Variants in BRINP3 observed in about 807,000 individuals in gnomAD.
BRINP3 encodes BMP/retinoic acid-inducible neural-specific protein 3.
BRINP3 carries 19 observed loss-of-function variants against 71.0 expected under a neutral mutation model. The ratio of observed to expected loss-of-function variants is 0.27; its 90% CI spans 0.19 to 0.39. The LOEUF (loss-of-function observed/expected upper bound fraction) is 0.39, where lower values mean the gene tolerates loss of function less well. BRINP3 is among the 10% of genes least tolerant of loss of function. The pLI is 1.00. For synonymous variants in BRINP3, 380 were observed against 337.7 expected (o/e 1.13, Z -1.37); for missense variants, 959 against 940.8 (o/e 1.02, Z -0.25).
intron 6 of BRINP3, among the ~76,000 whole-genome samples, chr1:190,176,259 G>A (rs1652497935): frequency 1.3e-5 from 2 of 152,122 alleles, no homozygotes; most frequent in Admixed American, 6.5e-5. Context: ...TGTATCAACT[G>A]CAAAGGCCAA....
chr1:190,215,094 G>GA lies in BRINP3; in HGVS notation c.961+10987dup, dbSNP rs5779515. The stretch of plus-strand genomic sequence containing the variant: ...TAATAGCAATCCATGTAGCTATTAT[G>GA]AAAAAAAAAAAAAAAGAAATGAAAT... On this transcript the variant is annotated intron_variant, in intron 6 of 7. Transcript: ENST00000367462. 5.6e-3 allele frequency among the ~76,000 whole-genome samples: 739 copies of GA among 131,744 alleles called. 5 individuals carry two copies. The highest frequency in any genetic ancestry group is 0.018 in the East Asian group (82 of 4,626). 86.4% of individuals were successfully genotyped at this position (131,744 alleles called of 152,430 possible). A position where few individuals can be genotyped will look rare whatever the true frequency, so the allele number is the denominator to read the frequency against.
At chr1:190,251,539 C>T (rs1278655451) in intron 4 of BRINP3, among the ~76,000 whole-genome samples, 1 of 151,870 alleles carries the variant, frequency 6.6e-6, no homozygotes, top group Non-Finnish European at 1.5e-5. Context: ...TTTCTGATAT[C>T]ACATGCCATG....
chr1:190,350,977 C>T (rs566166389), intron 2 of BRINP3, among the ~76,000 whole-genome samples: 2 of 152,090 alleles, frequency 1.3e-5, no homozygotes, highest in Admixed American at 6.5e-5. Flanking sequence ...CATGTGCCAT[C>T]ATGCCAGGCT....
intron 2 of BRINP3, among the ~76,000 whole-genome samples, chr1:190,388,360 T>C (rs1301577218): frequency 1.3e-5 from 2 of 151,804 alleles, no homozygotes; most frequent in African/African-American, 2.4e-5. Context: ...GCCCAGTACC[T>C]ATGACTGTGA....
intron 2 of BRINP3, among the ~76,000 whole-genome samples, chr1:190,370,477 G>A (rs774911863): frequency 1.3e-5 from 2 of 152,098 alleles, no homozygotes; most frequent in Non-Finnish European, 2.9e-5. Context: ...TTTGGGAGGG[G>A]AGGAATCTAT....
At chr1:190,219,461 A>G (rs1363165007) in intron 6 of BRINP3, among the ~76,000 whole-genome samples, 2 of 152,100 alleles carry the variant, frequency 1.3e-5, no homozygotes, top group Non-Finnish European at 2.9e-5. Flanking sequence ...CATTTCCTGA[A>G]CTGAACAATT....
intron 2 of BRINP3, among the ~76,000 whole-genome samples, chr1:190,356,132 C>A (rs1668714020): frequency 6.6e-6 from 1 of 151,872 alleles, no homozygotes; most frequent in African/African-American, 2.4e-5. Context: ...TACTAATATT[C>A]TGAACCATTT....
intron 2 of BRINP3, among the ~76,000 whole-genome samples, chr1:190,324,956 A>G (rs1666482199): frequency 6.6e-6 from 1 of 151,948 alleles, no homozygotes; most frequent in Non-Finnish European, 1.5e-5. Flanking sequence ...AAAATCTAAT[A>G]AAAATGTTTT....
chr1:190,298,123 T>G (rs769847154), intron 2 of BRINP3, among the ~76,000 whole-genome samples: 12 of 152,032 alleles, frequency 7.9e-5, no homozygotes, highest in Non-Finnish European at 1.3e-4. Flanking sequence ...GTGTATAGAG[T>G]TTTCACGGTA....
At chr1:190,141,925 T>A (rs1655485576) in intron 7 of BRINP3, among the ~76,000 whole-genome samples, 1 of 151,994 alleles carries the variant, frequency 6.6e-6, no homozygotes. Context: ...TCCCAAGTAG[T>A]TAATGTGAGG....
At chr1:190,477,046 C>T (rs1677546506) in intron 1 of BRINP3, among the ~76,000 whole-genome samples, 1 of 152,150 alleles carries the variant, frequency 6.6e-6, no homozygotes, top group African/African-American at 2.4e-5. Flanking sequence ...AGCGAACTTT[C>T]CAGACCTTGC....
intron 6 of BRINP3, among the ~76,000 whole-genome samples, chr1:190,164,036 T>G (rs1161179797): frequency 1.3e-5 from 2 of 152,300 alleles, no homozygotes; most frequent in East Asian, 3.9e-4. Flanking sequence ...TGGCATTTAT[T>G]TCCATGCTTT....
intron 5 of BRINP3, among the ~76,000 whole-genome samples, chr1:190,233,368 T>A (rs1026696286): frequency 2.0e-5 from 3 of 151,994 alleles, no homozygotes; most frequent in African/African-American, 7.3e-5. Context: ...AATATTGTTT[T>A]TTAGGTCTCA....
chr1:190,327,326 C>CAAAAAAAAAAAAAAAAAAAAAAAAA (rs1227478693), intron 2 of BRINP3, among the ~76,000 whole-genome samples: 4 of 44,232 alleles, frequency 9.0e-5, no homozygotes, highest in African/African-American at 1.4e-4. Context: ...AAAAAAAGAA[C>CAAAAAAAAAAAAAAAAAAAAAAAAA]AAAAAAAAAA....
At chr1:190,324,106 A>T (rs949755391) in intron 2 of BRINP3, among the ~76,000 whole-genome samples, 2 of 151,958 alleles carry the variant, frequency 1.3e-5, no homozygotes, top group African/African-American at 4.8e-5. Context: ...GACATTTTGA[A>T]GAAATTTCTA....
At position 190,098,340 on chromosome 1, in the gene BRINP3, T is replaced by C. The variant is rs1651380270; in HGVS notation, c.1979A>G (p.Tyr660Cys). The C allele has an allele frequency of 6.2e-7, 1 of 1,614,182 alleles. No homozygotes were observed. Among genetic ancestry groups the C allele is most frequent in the South Asian group, 1.1e-5 (1 of 91,082 alleles). Residue 660 changes from tyrosine (Y) to cysteine (C), a missense_variant, in exon 8 of 8, where the codon TAT becomes TGT. Coordinates refer to ENST00000367462, the MANE Select transcript of BRINP3 (RefSeq NM_199051.3). ...CACTTGAATGTTATTGATTTTCATATAGCCCAGGTTCCGGGAAGGGTCAAT... is the reference window on the plus strand; with the variant it reads ...CACTTGAATGTTATTGATTTTCATACAGCCCAGGTTCCGGGAAGGGTCAAT... ...EFIDPSRNLGYMKINNIQVFG... is the reference protein window; with the variant it reads ...EFIDPSRNLGCMKINNIQVFG...
intron 6 of BRINP3, among the ~76,000 whole-genome samples, chr1:190,178,219 C>A (rs890556992): frequency 6.6e-6 from 1 of 152,124 alleles, no homozygotes; most frequent in Middle Eastern, 3.4e-3. Context: ...GTACTATGGA[C>A]CTATAATTTC....
intron 2 of BRINP3, among the ~76,000 whole-genome samples, chr1:190,422,580 C>G (rs1468949694): frequency 6.6e-6 from 1 of 151,688 alleles, no homozygotes. Context: ...TAGAAACATA[C>G]CAATCACCAG....
rs568795653 is a variant in BRINP3, at chr1:190,154,021, T to A, written c.1184+6647A>T. 2.4e-3 allele frequency: 2,078 copies of A among 874,072 alleles called. 5 individuals are homozygous for A. The highest frequency in any genetic ancestry group is 2.7e-3 in the Non-Finnish European group (1,939 of 728,522). 54.1% of individuals were successfully genotyped at this position (874,072 alleles called of 1,614,324 possible). A position where few individuals can be genotyped will look rare whatever the true frequency, so the allele number is the denominator to read the frequency against. On this transcript the variant is annotated intron_variant, in intron 7 of 7. Transcript: ENST00000367462. ...CAACATAAACAATCCATGACTTATA[T>A]GGTGGCCTCAAAGATGCTGGGTTCT... is the stretch of plus-strand genomic sequence containing the variant.
Sources: allele counts gnomAD v4.1 joint callset (sites outside exome capture counted in the v4.1 genomes callset), GRCh38; gene constraint gnomAD v4.1.1; transcripts MANE v1.5; gene names NCBI Gene and HGNC (gene_info 2026-07-23, HGNC 2026-07-21).